RAP1GDS1: variants seen among roughly 807,000 people sequenced by gnomAD.
RAP1GDS1 encodes RAP1, GTP-GDP dissociation stimulator 1.
In RAP1GDS1, 35 loss-of-function variants were observed where a neutral mutation model predicts 71.1. The observed-to-expected ratio is 0.49, with a 90% CI of 0.38 to 0.65. The LOEUF is 0.65. Among genes scored for constraint, RAP1GDS1 ranks in the 30% least tolerant of loss-of-function variants. The pLI is 0.00. For synonymous variants in RAP1GDS1, 229 were observed against 243.1 expected (o/e 0.94, Z 0.54); for missense variants, 663 against 706.1 (o/e 0.94, Z 0.69).
At chr4:98,441,835 T>C (rs1935411819) in intron 14 of RAP1GDS1, among the ~76,000 whole-genome samples, 155 bp from the exon 15 acceptor site, 1 of 152,210 alleles carries the variant, frequency 6.6e-6, no homozygotes, top group South Asian at 2.1e-4. Context: ...AATACATTTC[T>C]AAGAAAGACA....
chr4:98,367,508 C>T (rs140906213), intron 4 of RAP1GDS1, among the ~76,000 whole-genome samples: 16 of 152,270 alleles, frequency 1.1e-4, no homozygotes, highest in Admixed American at 2.0e-4. Flanking sequence ...GACCCCAGGA[C>T]GGTAGATCCA....
At chr4:98,293,296 A>C in intron 1 of RAP1GDS1, 112 bp from the exon 2 acceptor site, 1 of 668,628 alleles carries the variant, frequency 1.5e-6, no homozygotes, top group Non-Finnish European at 2.5e-6. Flanking sequence ...CGTGGAGGTT[A>C]ATTTGCTATT....
At chr4:98,323,520 T>A (rs1732354396) in intron 2 of RAP1GDS1, among the ~76,000 whole-genome samples, 1 of 141,044 alleles carries the variant, frequency 7.1e-6, no homozygotes, top group South Asian at 2.4e-4. Context: ...GCAAAAATCC[T>A]CAATAAAATA....
intron 5 of RAP1GDS1, among the ~76,000 whole-genome samples, chr4:98,385,826 T>A (rs1335044248): frequency 6.6e-6 from 1 of 151,956 alleles, no homozygotes; most frequent in African/African-American, 2.4e-5. Context: ...AGCTAATATA[T>A]TCTTTTGTAA....
intron 12 of RAP1GDS1, among the ~76,000 whole-genome samples, chr4:98,430,147 G>C (rs761243839): frequency 7.9e-5 from 12 of 152,040 alleles, no homozygotes; most frequent in Non-Finnish European, 1.5e-4. Context: ...CACCACGCAG[G>C]TTCTTTGAAT....
Position 98,261,575 on chromosome 4 carries a change from T to A in RAP1GDS1, c.4+6T>A, listed in dbSNP as rs1384309164. 1.2e-6 allele frequency: 2 copies of A among 1,600,272 alleles called. No individual in the cohort carries two copies. Among genetic ancestry groups the A allele is most frequent in the Non-Finnish European group, 1.7e-6 (2 of 1,172,174 alleles). On this transcript the variant is annotated splice_donor_region_variant and intron_variant, in intron 1 of 14. Coordinates refer to ENST00000408927, the MANE Select transcript of RAP1GDS1 (RefSeq NM_001100427.2). ...ACCCTCGGGGAGCAACATGGGTAAG[T>A]CATCCTTCCTCCGCCGTCATCGCCT...
intron 2 of RAP1GDS1, among the ~76,000 whole-genome samples, chr4:98,326,917 C>G (rs1260830507): frequency 6.6e-6 from 1 of 151,580 alleles, no homozygotes; most frequent in Non-Finnish European, 1.5e-5. Context: ...AGTCGTTTTT[C>G]TACTCTGATA....
At chr4:98,377,154 A>C (rs1741287437) in intron 4 of RAP1GDS1, among the ~76,000 whole-genome samples, 1 of 151,900 alleles carries the variant, frequency 6.6e-6, no homozygotes, top group Non-Finnish European at 1.5e-5. Flanking sequence ...CTTCTAAGTA[A>C]GTCCTAAGCA....
chr4:98,382,712 A>G (rs1459153630), intron 5 of RAP1GDS1, among the ~76,000 whole-genome samples: 1 of 151,614 alleles, frequency 6.6e-6, no homozygotes, highest in African/African-American at 2.4e-5. Context: ...GGAGTTTGGA[A>G]AATTTTCATT....
At chr4:98,277,587 A>T (rs1179184871) in intron 1 of RAP1GDS1, among the ~76,000 whole-genome samples, 1 of 152,124 alleles carries the variant, frequency 6.6e-6, no homozygotes, top group Admixed American at 6.6e-5. Flanking sequence ...CATTTTTCAT[A>T]GTCTAACTCA....
chr4:98,303,303 A>G (rs1467959918), intron 2 of RAP1GDS1, among the ~76,000 whole-genome samples: 5 of 152,178 alleles, frequency 3.3e-5, no homozygotes, highest in Non-Finnish European at 5.9e-5. Flanking sequence ...GTCACTCTTC[A>G]ACATGGCTGT....
At chr4:98,332,297 A>G (rs1318731396) in intron 2 of RAP1GDS1, among the ~76,000 whole-genome samples, 1 of 152,200 alleles carries the variant, frequency 6.6e-6, no homozygotes, top group South Asian at 2.1e-4. Context: ...GCAGCCTGAG[A>G]AATTTCCTGG....
intron 2 of RAP1GDS1, among the ~76,000 whole-genome samples, chr4:98,342,876 A>G (rs1233923072): frequency 2.0e-5 from 3 of 152,184 alleles, no homozygotes; most frequent in Non-Finnish European, 4.4e-5. Flanking sequence ...TGCAAATGAT[A>G]TATTCAGAAA....
chr4:98,365,331 T>G (rs930745585), intron 4 of RAP1GDS1, among the ~76,000 whole-genome samples: 4 of 151,956 alleles, frequency 2.6e-5, no homozygotes, highest in African/African-American at 7.2e-5. Flanking sequence ...AAATTAAAAT[T>G]GAGCCAGGCA....
chr4:98,261,805 G>GCTCCCCGGCACCTCGCAGCCTCGC (rs1308346462), intron 1 of RAP1GDS1, among the ~76,000 whole-genome samples: 3 of 151,782 alleles, frequency 2.0e-5, no homozygotes, highest in Admixed American at 1.3e-4. Context: ...CCGCCGCCCG[G>GCTCCCCGGCACCTCGCAGCCTCGC]CTCCCCGGCA....
intron 4 of RAP1GDS1, among the ~76,000 whole-genome samples, chr4:98,361,276 A>C (rs768907236): frequency 7.9e-5 from 12 of 151,948 alleles, no homozygotes; most frequent in Non-Finnish European, 1.5e-4. Context: ...TTGGTACAAA[A>C]ACACCTTTTA....
chr4:98,313,969 A>G (rs1730612959), intron 2 of RAP1GDS1, among the ~76,000 whole-genome samples: 1 of 152,168 alleles, frequency 6.6e-6, no homozygotes, highest in African/African-American at 2.4e-5. Context: ...AGACATAAGG[A>G]TTCATAGTCT....
intron 2 of RAP1GDS1, among the ~76,000 whole-genome samples, chr4:98,328,925 G>T (rs1733537965): frequency 6.6e-6 from 1 of 152,230 alleles, no homozygotes; most frequent in African/African-American, 2.4e-5. Context: ...TCTTAAGGCT[G>T]CAAAGCCAAA....
intron 2 of RAP1GDS1, among the ~76,000 whole-genome samples, chr4:98,311,781 C>G (rs1730258630): frequency 6.6e-6 from 1 of 152,178 alleles, no homozygotes; most frequent in African/African-American, 2.4e-5. Flanking sequence ...GGATTGCAGG[C>G]ATACTTCACC....
Sources: gnomAD v4.1 joint callset for allele counts (sites outside exome capture counted in the v4.1 genomes callset) on GRCh38, gnomAD v4.1.1 for gene constraint, MANE v1.5 for transcripts, NCBI Gene and HGNC (gene_info 2026-07-23, HGNC 2026-07-21) for gene names.